Variants in NAV3 observed in about 807,000 individuals in gnomAD.
The protein encoded by NAV3 is neuron navigator 3, also known as pore membrane and/or filament interacting like protein 1.
NAV3 carries 87 observed loss-of-function variants against 244.7 expected under a neutral mutation model. The observed-to-expected ratio is 0.36, with a 90% CI of 0.30 to 0.42. The LOEUF (loss-of-function observed/expected upper bound fraction) is 0.42. Among genes scored for constraint, NAV3 ranks in the 20% least tolerant of loss-of-function variants. The probability of loss-of-function intolerance (pLI) is 1.00; values close to 1 mark genes in which losing one functional copy is unlikely to be tolerated. For synonymous variants in NAV3, 1,126 were observed against 1,042.2 expected (o/e 1.08, Z -1.55); for missense variants, 2,663 against 2,893.3 (o/e 0.92, Z 1.83).
At chr12:77,985,708 G>A (rs1050496125) in intron 5 of NAV3, among the ~76,000 whole-genome samples, 6 of 151,984 alleles carry the variant, frequency 3.9e-5, no homozygotes, top group Non-Finnish European at 8.8e-5. Flanking sequence ...TAGAGGCCCA[G>A]GATTTGTCTT....
rs374923936 is a variant in NAV3 at position 77,824,377 on chromosome 12, G to A, written c.73-115942G>A. On this transcript the variant is annotated intron_variant, in intron 2 of 8. Transcript: ENST00000550042. ...CAAAGTGCTGGGATTACAGGCATGC[G>A]CCACTGCGCCCGGCCGAGAGTAAGA... Among the ~76,000 whole-genome samples, 77 of 150,964 alleles carry A rather than the reference G, an allele frequency of 5.1e-4. 1 individual carries two copies. The South Asian group carries it at 0.013, about 25-fold the overall frequency.
intron 2 of NAV3, among the ~76,000 whole-genome samples, chr12:77,708,973 G>T (rs967071814): frequency 6.6e-6 from 1 of 151,996 alleles, no homozygotes; most frequent in African/African-American, 2.4e-5. Context: ...GAGACGATGG[G>T]GTTTTCTAAA....
At chr12:78,012,935 T>C (rs1444003210) in intron 8 of NAV3, among the ~76,000 whole-genome samples, 1 of 152,218 alleles carries the variant, frequency 6.6e-6, no homozygotes, top group East Asian at 1.9e-4. Flanking sequence ...CTACAGTAGA[T>C]ACCAAATAAA....
chr12:78,119,444 G>A lies in NAV3; in HGVS notation c.3248G>A (p.Gly1083Glu), dbSNP rs1017428269. Residue 1083 changes from glycine to glutamate, a missense_variant, in exon 15 of 40, where the codon GGA (glycine) becomes GAA (glutamate). Gly to Glu is a moderately conservative substitution (Grantham distance 98, BLOSUM62 -2). This residue lies in a region of NAV3 where 1,521 missense variants were observed against 1,497.0 expected (regional missense o/e 1.02). Transcript: ENST00000397909. ...TCATCTGCCATGATCACCAGCAGTG[G>A]AGCAACCATAACAAGTGGCTCTGCA... ...VGSSAMITSSGATITSGSATL... is the reference protein window; with the variant it reads ...VGSSAMITSSEATITSGSATL... 6 of 1,614,044 alleles carry A rather than the reference G, an allele frequency of 3.7e-6. No homozygotes were observed. In the East Asian group the frequency reaches 8.9e-5, roughly 24 times the overall value.
At chr12:77,969,559 A>G (rs1236119206) in intron 5 of NAV3, among the ~76,000 whole-genome samples, 2 of 152,018 alleles carry the variant, frequency 1.3e-5, no homozygotes, top group African/African-American at 4.8e-5. Context: ...GAAAAGCCAA[A>G]CTTTCGGCCA....
At chr12:78,189,901 T>C (rs1565782634) in intron 33 of NAV3, 83 bp from the exon 34 acceptor site, 3 of 986,920 alleles carry the variant, frequency 3.0e-6, no homozygotes, top group Non-Finnish European at 4.7e-6. Context: ...TGACTAACAA[T>C]GCTGTTGCTG....
chr12:77,646,494 TCTC>T lies in NAV3; in HGVS notation c.72+74231_72+74233del, dbSNP rs530934228. ...TCTCTTTCTTTCCCTTAAACCCAAA[TCTC>T]CTGCAGGTAGGCAGAGACAGACACC... is the stretch of plus-strand genomic sequence containing the variant. On this transcript the variant is annotated intron_variant, in intron 2 of 8. Coordinates refer to the NAV3 transcript ENST00000550042. Among the ~76,000 whole-genome samples the T allele has an allele frequency of 3.1e-3, 472 of 151,940 alleles. 6 individuals carry two copies. The highest frequency in any genetic ancestry group is 4.8e-3 in the Non-Finnish European group (325 of 67,948).
At chr12:78,117,160 TATATATATATATATATATATATATA>T (rs1955430607) in intron 13 of NAV3, among the ~76,000 whole-genome samples, 1 of 108,788 alleles carries the variant, frequency 9.2e-6, no homozygotes, top group Non-Finnish European at 1.9e-5. Context: ...AGAAGCAGCA[TATATATATATATATATATATATATA>T]TATATATATA....
rs1323112521 is a variant in NAV3 at position 77,706,888 on chromosome 12, A to G, written c.72+134622A>G. On this transcript the variant is annotated intron_variant, in intron 2 of 8. Transcript: ENST00000550042. ...TCTGTTTCAAAAAAAAAAAAAAAAA[A>G]AAAAACCAAAAAAAAAAAAACTAGG... Among the ~76,000 whole-genome samples, 373 of 142,166 alleles carry G rather than the reference A, an allele frequency of 2.6e-3. 10 individuals carry two copies. Among genetic ancestry groups the G allele is most frequent in the African/African-American group, 1.0e-2 (359 of 36,022 alleles). 93.3% of individuals were successfully genotyped at this position (142,166 alleles called of 152,430 possible). A position where few individuals can be genotyped will look rare whatever the true frequency, so the allele number is the denominator to read the frequency against.
At position 78,188,634 on chromosome 12, in the gene NAV3, C is replaced by A. The variant is rs2139850688; in HGVS notation, c.5912C>A (p.Ser1971Tyr). Residue 1971 changes from serine (S) to tyrosine (Y), a missense_variant, in exon 33 of 40, where the codon TCC becomes TAC. Physicochemically the swap from Ser to Tyr is moderately radical, Grantham distance 144. This residue lies in a region of NAV3 where 543 missense variants were observed against 672.4 expected (regional missense o/e 0.81). Coordinates refer to ENST00000397909, the MANE Select transcript of NAV3 (RefSeq NM_001024383.2). ...GAATATGTATTCCGAATTGATACAT[C>A]CACTAGCCTTGGTCTGAGCTCTGAC... ...FKEYVFRIDT[S>Y]TSLGLSSDCI... 2.5e-6 allele frequency: 4 copies of A among 1,611,390 alleles called. No individual in the cohort carries two copies. The highest frequency in any genetic ancestry group is 3.4e-6 in the Non-Finnish European group (4 of 1,178,642).
intron 2 of NAV3, among the ~76,000 whole-genome samples, chr12:77,796,361 G>C (rs1871406326): frequency 6.6e-6 from 1 of 152,196 alleles, no homozygotes; most frequent in African/African-American, 2.4e-5. Flanking sequence ...GCCTGAAGGT[G>C]TGACTGAATT....
At chr12:77,760,537 A>G (rs895654530) in intron 2 of NAV3, among the ~76,000 whole-genome samples, 1 of 152,200 alleles carries the variant, frequency 6.6e-6, no homozygotes, top group African/African-American at 2.4e-5. Context: ...CTTGTTTTTA[A>G]TATTAGTCTA....
chr12:78,088,259 AT>A (rs1233977706), intron 12 of NAV3, among the ~76,000 whole-genome samples: 1 of 151,188 alleles, frequency 6.6e-6, no homozygotes, highest in Non-Finnish European at 1.5e-5. Context: ...GTGAAGAAAA[AT>A]AAGTGTATAA....
intron 24 of NAV3, among the ~76,000 whole-genome samples, chr12:78,171,095 A>T (rs1045664851): frequency 7.2e-5 from 11 of 151,876 alleles, no homozygotes; most frequent in Middle Eastern, 3.4e-3. Flanking sequence ...AATTTTAGGA[A>T]AACAATTATA....
At chr12:77,603,006 C>G (rs763288240) in intron 2 of NAV3, among the ~76,000 whole-genome samples, 2 of 152,030 alleles carry the variant, frequency 1.3e-5, no homozygotes, top group Non-Finnish European at 2.9e-5. Flanking sequence ...ACAGCCAACC[C>G]TGGCAGGGAG....
chr12:77,774,651 G>A (rs1048620027), intron 2 of NAV3, among the ~76,000 whole-genome samples: 1 of 151,902 alleles, frequency 6.6e-6, no homozygotes, highest in African/African-American at 2.4e-5. Flanking sequence ...CTTATGTAGG[G>A]GACTGTCATC....
chr12:77,710,890 T>C (rs1421730884), intron 2 of NAV3, among the ~76,000 whole-genome samples: 3 of 152,192 alleles, frequency 2.0e-5, no homozygotes, highest in Non-Finnish European at 4.4e-5. Context: ...TGGCAGCTAC[T>C]TTTTAACATA....
At chr12:77,904,789 T>A (rs1885779686) in intron 1 of NAV3, among the ~76,000 whole-genome samples, 1 of 152,184 alleles carries the variant, frequency 6.6e-6, no homozygotes, top group African/African-American at 2.4e-5. Flanking sequence ...TTCTATCCTA[T>A]CTTATTTTGG....
intron 2 of NAV3, among the ~76,000 whole-genome samples, chr12:77,768,223 C>T (rs1373407641): frequency 2.6e-5 from 4 of 152,188 alleles, no homozygotes; most frequent in Admixed American, 1.3e-4. Context: ...GAAAAAGCAC[C>T]ATAAGTTCTC....
Sources: gnomAD v4.1 joint callset for allele counts (sites outside exome capture counted in the v4.1 genomes callset) on GRCh38, gnomAD v4.1.1 for gene constraint, gnomAD v4.1.1 regional missense constraint, MANE v1.5 for transcripts, NCBI Gene and HGNC (gene_info 2026-07-23, HGNC 2026-07-21) for gene names.